The following SUGCT variants were observed in gnomAD, a reference collection of about 807,000 sequenced individuals.
SUGCT encodes succinyl-CoA:glutarate CoA-transferase.
A neutral mutation model predicts 55.0 loss-of-function variants in SUGCT; 41 were observed. That is an observed-to-expected ratio of 0.74 (90% CI 0.58 to 0.97). SUGCT has a LOEUF of 0.97. Among genes scored for constraint, SUGCT ranks in the 50% least tolerant of loss-of-function variants. The pLI is 0.00. For missense variants in SUGCT, 568 were observed against 547.8 expected, an observed-to-expected ratio of 1.04 and a Z score of -0.37; for synonymous variants, 187 against 200.4, an observed-to-expected ratio of 0.93 and a Z score of 0.56.
intron 13 of SUGCT, among the ~76,000 whole-genome samples, chr7:40,762,632 A>G (rs543256814): frequency 6.6e-6 from 1 of 152,318 alleles, no homozygotes; most frequent in East Asian, 1.9e-4. Context: ...CCTGGTGTCA[A>G]CAGATTATTT....
At chr7:40,453,743 A>G (rs376600769) in intron 10 of SUGCT, among the ~76,000 whole-genome samples, 42 of 152,366 alleles carry the variant, frequency 2.8e-4, no homozygotes, top group African/African-American at 8.7e-4. Flanking sequence ...GGCTCATAAT[A>G]TAATGTTCAA....
intron 13 of SUGCT, among the ~76,000 whole-genome samples, chr7:40,778,053 C>T (rs140223762): frequency 1.3e-3 from 205 of 152,318 alleles, no homozygotes; most frequent in African/African-American, 4.5e-3. Flanking sequence ...TCTAGCTCAG[C>T]GACTTAGTTT....
intron 12 of SUGCT, among the ~76,000 whole-genome samples, chr7:40,619,574 G>A (rs1369224374): frequency 6.6e-6 from 1 of 151,958 alleles, no homozygotes; most frequent in Non-Finnish European, 1.5e-5. Flanking sequence ...CTTTCCATCA[G>A]CTTTACAATT....
chr7:40,453,370 A>G (rs1789297863), intron 10 of SUGCT, among the ~76,000 whole-genome samples: 1 of 152,224 alleles, frequency 6.6e-6, no homozygotes, highest in African/African-American at 2.4e-5. Context: ...GCCCCAGGCA[A>G]CTGGAAAATG....
intron 5 of SUGCT, among the ~76,000 whole-genome samples, chr7:40,192,359 A>G (rs774746759): frequency 3.3e-5 from 5 of 152,154 alleles, no homozygotes; most frequent in Non-Finnish European, 7.3e-5. Flanking sequence ...TTATTGTGGC[A>G]ATATGATTTG....
At chr7:40,684,121 A>G in intron 12 of SUGCT, 1 of 1,609,112 alleles carries the variant, frequency 6.2e-7, no homozygotes, top group Non-Finnish European at 8.5e-7. Flanking sequence ...TTCATCTTCA[A>G]GGATCAGCAA....
intron 13 of SUGCT, among the ~76,000 whole-genome samples, chr7:40,753,492 G>A (rs10240804): frequency 0.27 from 41,238 of 151,964 alleles, 6,591 homozygotes; most frequent in East Asian, 0.43. Flanking sequence ...ATCCTTATTA[G>A]GATTGTTATT....
At chr7:40,166,264 G>C (rs911125874) in intron 1 of SUGCT, among the ~76,000 whole-genome samples, 3 of 152,206 alleles carry the variant, frequency 2.0e-5, no homozygotes, top group African/African-American at 7.2e-5. Flanking sequence ...GGGAAGCTTT[G>C]AGAAGTGGAG....
chr7:40,267,874 C>T (rs1356116638), intron 7 of SUGCT, among the ~76,000 whole-genome samples: 1 of 152,146 alleles, frequency 6.6e-6, no homozygotes. Context: ...GCATAGCCAC[C>T]TCAGAATTGT....
intron 13 of SUGCT, among the ~76,000 whole-genome samples, chr7:40,839,641 AGTG>A (rs1793175081): frequency 6.6e-6 from 1 of 152,192 alleles, no homozygotes; most frequent in African/African-American, 2.4e-5. Context: ...TTTGGTAGTC[AGTG>A]GTTACTGAGT....
chr7:40,810,133 T>C (rs1260500517), intron 13 of SUGCT, among the ~76,000 whole-genome samples: 2 of 152,082 alleles, frequency 1.3e-5, no homozygotes, highest in South Asian at 2.1e-4. Flanking sequence ...CTTTTCTTTT[T>C]TTTTTTCTTT....
intron 12 of SUGCT, among the ~76,000 whole-genome samples, chr7:40,617,417 C>A (rs1799057312): frequency 6.6e-6 from 1 of 151,960 alleles, no homozygotes. Flanking sequence ...AGAACTTTGA[C>A]TCACAGTACA....
At chr7:40,926,955 G>A in the SUGCT span, among the ~76,000 whole-genome samples, 1 of 152,240 alleles carries the variant, frequency 6.6e-6, no homozygotes, top group African/African-American at 2.4e-5. Flanking sequence ...GAGCTGCCAG[G>A]GCTCTTGTAA....
chr7:40,487,178 A>AGGTTCAAG (rs986142682), intron 11 of SUGCT, among the ~76,000 whole-genome samples: 1 of 133,422 alleles, frequency 7.5e-6, no homozygotes, highest in African/African-American at 2.9e-5. Context: ...TCCACCGCCC[A>AGGTTCAAG]GGTTCAAGTG....
chr7:40,303,978 G>C (rs1178500432), intron 8 of SUGCT, among the ~76,000 whole-genome samples: 2 of 151,674 alleles, frequency 1.3e-5, no homozygotes, highest in Non-Finnish European at 2.9e-5. Flanking sequence ...GAACTCGGGA[G>C]GTGGAGGTTG....
At chr7:40,156,327 G>A (rs1303260917) in intron 1 of SUGCT, among the ~76,000 whole-genome samples, 1 of 152,038 alleles carries the variant, frequency 6.6e-6, no homozygotes, top group Non-Finnish European at 1.5e-5. Flanking sequence ...GCCCGGCGTG[G>A]TGAAGGGCAC....
chr7:40,898,153 T>C, the SUGCT span, among the ~76,000 whole-genome samples: 1 of 149,982 alleles, frequency 6.7e-6, no homozygotes, highest in Non-Finnish European at 1.5e-5. Flanking sequence ...AGCTCACCAG[T>C]AGTGATGAAC....
the SUGCT span, among the ~76,000 whole-genome samples, chr7:40,867,574 T>C: frequency 6.6e-6 from 1 of 152,194 alleles, no homozygotes; most frequent in South Asian, 2.1e-4. Context: ...CATGCATTTA[T>C]ATGAAAACCT....
chr7:40,969,741 G>C, the SUGCT span, among the ~76,000 whole-genome samples: 1 of 152,160 alleles, frequency 6.6e-6, no homozygotes, highest in African/African-American at 2.4e-5. Context: ...TTTATGTCTG[G>C]TCATGGCTTT....
Sources: gnomAD v4.1 joint callset for allele counts (sites outside exome capture counted in the v4.1 genomes callset) on GRCh38, gnomAD v4.1.1 for gene constraint, MANE v1.5 for transcripts, NCBI Gene and HGNC (gene_info 2026-07-23, HGNC 2026-07-21) for gene names.